CLSTN2: variants seen among roughly 807,000 people sequenced by gnomAD.
CLSTN2 encodes the protein calsyntenin-2.
Under a neutral mutation model 101.2 loss-of-function variants are expected in CLSTN2, and 48 were observed. The observed-to-expected ratio is 0.47, with a 90% CI of 0.38 to 0.60. The LOEUF is 0.60. CLSTN2 is among the 20% of genes least tolerant of loss of function. CLSTN2 has a pLI of 0.00. For missense variants in CLSTN2, 1,160 were observed against 1,238.2 expected, an observed-to-expected ratio of 0.94 and a Z score of 0.95; for synonymous variants, 481 against 463.6, an observed-to-expected ratio of 1.04 and a Z score of -0.48.
chr3:139,939,098 C>T (rs1163705480), intron 1 of CLSTN2, among the ~76,000 whole-genome samples: 1 of 152,036 alleles, frequency 6.6e-6, no homozygotes, highest in Admixed American at 6.6e-5. Flanking sequence ...GAGACACAGG[C>T]AAAGGAGATG....
At chr3:139,986,496 G>T (rs368262938) in intron 1 of CLSTN2, among the ~76,000 whole-genome samples, 72 of 152,226 alleles carry the variant, frequency 4.7e-4, no homozygotes, top group African/African-American at 1.7e-3. Context: ...CTATAGGGAG[G>T]GTGTTTGTTC....
intron 2 of CLSTN2, among the ~76,000 whole-genome samples, chr3:140,268,452 A>T (rs1007397489): frequency 1.3e-5 from 2 of 152,166 alleles, no homozygotes; most frequent in Admixed American, 1.3e-4. Context: ...TATACACTTT[A>T]TAGTGTTATG....
intron 1 of CLSTN2, among the ~76,000 whole-genome samples, chr3:140,144,097 G>A (rs1560108156): frequency 1.3e-5 from 2 of 152,196 alleles, no homozygotes; most frequent in Non-Finnish European, 2.9e-5. Flanking sequence ...CACATGAAAA[G>A]CATCAAACTC....
intron 1 of CLSTN2, among the ~76,000 whole-genome samples, chr3:140,170,092 C>T (rs1224852526): frequency 3.3e-5 from 5 of 152,116 alleles, no homozygotes; most frequent in African/African-American, 1.2e-4. Context: ...ACAAGGGAGG[C>T]TGCTTCCAAA....
chr3:140,484,418 T>C (rs1366391554), intron 8 of CLSTN2, among the ~76,000 whole-genome samples: 2 of 152,238 alleles, frequency 1.3e-5, no homozygotes, highest in East Asian at 3.8e-4. Flanking sequence ...ATTTCAACTT[T>C]GGTGAATATG....
At chr3:140,555,160 G>T (rs1434065269) in intron 10 of CLSTN2, among the ~76,000 whole-genome samples, 1 of 152,212 alleles carries the variant, frequency 6.6e-6, no homozygotes, top group Admixed American at 6.5e-5. Flanking sequence ...CCAGTTTCAT[G>T]GCAGAGAGAA....
At chr3:139,982,205 T>A (rs1935942530) in intron 1 of CLSTN2, among the ~76,000 whole-genome samples, 1 of 152,150 alleles carries the variant, frequency 6.6e-6, no homozygotes, top group African/African-American at 2.4e-5. Context: ...GGTTGAATTT[T>A]TATATTTTCA....
chr3:140,245,394 T>C (rs2086507236), intron 2 of CLSTN2, among the ~76,000 whole-genome samples: 1 of 150,616 alleles, frequency 6.6e-6, no homozygotes, highest in African/African-American at 2.5e-5. Flanking sequence ...CCAAGCACCA[T>C]CCCCAAGAAA....
At chr3:140,497,731 T>A (rs1934498103) in intron 8 of CLSTN2, among the ~76,000 whole-genome samples, 1 of 152,146 alleles carries the variant, frequency 6.6e-6, no homozygotes, top group Admixed American at 6.5e-5. Context: ...CCAGAGTCTA[T>A]AAAACTCCTG....
chr3:139,996,100 T>C (rs1184968502), intron 1 of CLSTN2, among the ~76,000 whole-genome samples: 1 of 152,226 alleles, frequency 6.6e-6, no homozygotes, highest in Non-Finnish European at 1.5e-5. Flanking sequence ...TTCTAAAGGT[T>C]GTGATTATTA....
At chr3:140,229,016 A>G (rs2086348185) in intron 2 of CLSTN2, among the ~76,000 whole-genome samples, 1 of 152,200 alleles carries the variant, frequency 6.6e-6, no homozygotes, top group Admixed American at 6.5e-5. Context: ...ATTCTGTATG[A>G]GTCCCTTGAG....
rs1235759604 is a variant in CLSTN2, at chr3:140,564,244, C to T, written c.2667+99C>T. On this transcript the variant is annotated intron_variant, in intron 16 of 16. Transcript: ENST00000458420. The stretch of plus-strand genomic sequence containing the variant: ...TAAAGCAGCCCCATACCCCCTCCTT[C>T]TGGAAGCCCTGCCCCATCTAGTCCA... The T allele has an allele frequency of 4.7e-6, 5 of 1,053,292 alleles. No homozygotes were observed. In the East Asian group the frequency reaches 9.6e-5, roughly 20 times the overall value. 65.2% of individuals were successfully genotyped at this position (1,053,292 alleles called of 1,614,324 possible).
intron 1 of CLSTN2, among the ~76,000 whole-genome samples, chr3:140,065,282 C>T (rs1340761695): frequency 6.6e-6 from 1 of 152,232 alleles, no homozygotes; most frequent in African/African-American, 2.4e-5. Flanking sequence ...GACCAATCCA[C>T]AGCGTCCTGT....
At chr3:140,545,992 AG>A (rs1420217974) in intron 9 of CLSTN2, among the ~76,000 whole-genome samples, 4 of 152,234 alleles carry the variant, frequency 2.6e-5, no homozygotes, top group African/African-American at 7.2e-5. Flanking sequence ...AGTGGAATGT[AG>A]GGAAGCAAAT....
rs1244602366 is a variant in CLSTN2, at chr3:140,562,971, C to A, written c.2358+15C>A. On this transcript the variant is annotated intron_variant, in intron 14 of 16. Transcript: ENST00000458420. ...TCAACTTGGAGGTGAGTGGGTCCTGCCATTGTTAGGGAAGCCAAGGCTCAC... is the reference window on the plus strand; with the variant it reads ...TCAACTTGGAGGTGAGTGGGTCCTGACATTGTTAGGGAAGCCAAGGCTCAC... The A allele has an allele frequency of 6.2e-7, 1 of 1,613,562 alleles. No homozygotes were observed. Among genetic ancestry groups the A allele is most frequent in the African/African-American group, 1.3e-5 (1 of 74,906 alleles).
intron 1 of CLSTN2, among the ~76,000 whole-genome samples, chr3:140,128,635 T>C (rs2107802974): frequency 6.6e-6 from 1 of 152,248 alleles, no homozygotes; most frequent in East Asian, 1.9e-4. Context: ...ACCTTCCTTT[T>C]GATGGAGAGG....
chr3:140,421,043 GGTGGA>G, intron 4 of CLSTN2, 77 bp from the exon 5 acceptor site: 1 of 1,379,358 alleles, frequency 7.2e-7, no homozygotes, highest in Non-Finnish European at 1.0e-6. Context: ...TGTGAAGGTG[GGTGGA>G]GTGGAGAAGA....
At chr3:140,259,225 G>A (rs1364219253) in intron 2 of CLSTN2, among the ~76,000 whole-genome samples, 2 of 150,392 alleles carry the variant, frequency 1.3e-5, no homozygotes, top group African/African-American at 4.9e-5. Context: ...GTAATCCTAA[G>A]CACTCTGGGA....
chr3:140,328,309 A>T (rs2087350273), intron 2 of CLSTN2, among the ~76,000 whole-genome samples: 1 of 152,096 alleles, frequency 6.6e-6, no homozygotes, highest in African/African-American at 2.4e-5. Flanking sequence ...CCAACTCCTT[A>T]AGCTGTCTTG....
Sources: gnomAD v4.1 joint callset for allele counts (sites outside exome capture counted in the v4.1 genomes callset) on GRCh38, gnomAD v4.1.1 for gene constraint, MANE v1.5 for transcripts, NCBI Gene and HGNC (gene_info 2026-07-23, HGNC 2026-07-21) for gene names.